Variants in LRMDA observed in about 807,000 individuals in gnomAD.
LRMDA encodes leucine-rich melanocyte differentiation-associated protein.
Under a neutral mutation model 29.8 loss-of-function variants are expected in LRMDA, and 18 were observed. That is an observed-to-expected ratio of 0.60 (90% CI 0.42 to 0.90). The LOEUF (loss-of-function observed/expected upper bound fraction) is 0.90, where lower values mean the gene tolerates loss of function less well. LRMDA is among the 40% of genes least tolerant of loss of function. LRMDA has a pLI of 0.00. For synonymous variants in LRMDA, 125 were observed against 109.4 expected (o/e 1.14, Z -0.89); for missense variants, 273 against 273.9 (o/e 1.00, Z 0.02).
intron 2 of LRMDA, among the ~76,000 whole-genome samples, chr10:75,968,151 C>T (rs1312697766): frequency 6.6e-6 from 1 of 151,922 alleles, no homozygotes; most frequent in African/African-American, 2.4e-5. Flanking sequence ...TCTTGGTGGA[C>T]AGGGTCAAGC....
chr10:76,512,708 A>C (rs1202412079), intron 6 of LRMDA, among the ~76,000 whole-genome samples: 1 of 152,156 alleles, frequency 6.6e-6, no homozygotes, highest in South Asian at 2.1e-4. Context: ...CCAAAGAAAA[A>C]ATAGTGACCC....
intron 2 of LRMDA, among the ~76,000 whole-genome samples, chr10:75,721,120 C>T: frequency 6.6e-6 from 1 of 152,160 alleles, no homozygotes; most frequent in East Asian, 1.9e-4. Flanking sequence ...TTTGTTCTGG[C>T]TCCAATCTGA....
At chr10:76,221,169 T>A (rs1375749369) in intron 5 of LRMDA, among the ~76,000 whole-genome samples, 6 of 152,044 alleles carry the variant, frequency 3.9e-5, no homozygotes, top group Admixed American at 2.6e-4. Flanking sequence ...AATATCATAC[T>A]GAATGGGCAA....
chr10:75,976,515 A>C (rs564422103), intron 2 of LRMDA, among the ~76,000 whole-genome samples: 3 of 152,358 alleles, frequency 2.0e-5, no homozygotes, highest in South Asian at 4.1e-4. Context: ...TATAAACTCC[A>C]TGAGCCAGGG....
chr10:76,145,527 G>A (rs1483688343), intron 5 of LRMDA, among the ~76,000 whole-genome samples: 2 of 151,056 alleles, frequency 1.3e-5, no homozygotes, highest in East Asian at 2.0e-4. Context: ...CTGTGGGATC[G>A]GTGGTGATAT....
At chr10:75,666,117 C>A (rs1841818485) in intron 2 of LRMDA, among the ~76,000 whole-genome samples, 1 of 152,030 alleles carries the variant, frequency 6.6e-6, no homozygotes, top group African/African-American at 2.4e-5. Flanking sequence ...CATGAAAATT[C>A]TTATCTTTCA....
chr10:75,803,091 C>T (rs1487954561), intron 2 of LRMDA, among the ~76,000 whole-genome samples: 1 of 151,972 alleles, frequency 6.6e-6, no homozygotes, highest in African/African-American at 2.4e-5. Context: ...TGTTCTGGCA[C>T]TTGACGTGCA....
At chr10:76,132,828 A>G (rs947280821) in intron 5 of LRMDA, among the ~76,000 whole-genome samples, 2 of 151,816 alleles carry the variant, frequency 1.3e-5, no homozygotes, top group Admixed American at 1.3e-4. Context: ...GGGGGGTCAG[A>G]GTTTCGCTCT....
chr10:75,657,373 T>C (rs1316086673), intron 2 of LRMDA, among the ~76,000 whole-genome samples: 1 of 152,002 alleles, frequency 6.6e-6, no homozygotes, highest in Non-Finnish European at 1.5e-5. Flanking sequence ...GAGAGGAGAA[T>C]GGAAGGCAAG....
intron 5 of LRMDA, among the ~76,000 whole-genome samples, chr10:76,108,548 A>G (rs1849524924): frequency 6.6e-6 from 1 of 152,232 alleles, no homozygotes; most frequent in South Asian, 2.1e-4. Context: ...AAAAGAATGG[A>G]AGGAAAATCA....
chr10:76,338,083 A>C (rs1840991302), intron 6 of LRMDA, among the ~76,000 whole-genome samples: 1 of 152,072 alleles, frequency 6.6e-6, no homozygotes, highest in Middle Eastern at 3.4e-3. Context: ...GAAAAAAAAA[A>C]AAACAATTCC....
chr10:75,970,961 A>G (rs1846957363), intron 2 of LRMDA, among the ~76,000 whole-genome samples: 1 of 152,204 alleles, frequency 6.6e-6, no homozygotes. Context: ...TAGAAAGGGC[A>G]GTAGTTGTTG....
At chr10:75,585,373 G>A (rs1435474179) in intron 2 of LRMDA, among the ~76,000 whole-genome samples, 1 of 152,198 alleles carries the variant, frequency 6.6e-6, no homozygotes, top group Non-Finnish European at 1.5e-5. Context: ...GTTTGGATAT[G>A]CAAAATTTTA....
chr10:76,542,811 A>G (rs1276997954), intron 6 of LRMDA, among the ~76,000 whole-genome samples: 2 of 152,182 alleles, frequency 1.3e-5, no homozygotes, highest in African/African-American at 4.8e-5. Context: ...CTGAAAAGGG[A>G]AAAGCTGATT....
At chr10:76,119,996 G>T (rs1331598827) in intron 5 of LRMDA, among the ~76,000 whole-genome samples, 1 of 152,058 alleles carries the variant, frequency 6.6e-6, no homozygotes, top group East Asian at 1.9e-4. Context: ...ATTTGTTAGG[G>T]TCTTTTTATC....
chr10:76,256,178 C>T (rs1237202344), intron 5 of LRMDA, among the ~76,000 whole-genome samples: 2 of 152,190 alleles, frequency 1.3e-5, no homozygotes, highest in African/African-American at 4.8e-5. Context: ...AAGGATTTTA[C>T]AGTAAATTGC....
intron 6 of LRMDA, among the ~76,000 whole-genome samples, chr10:76,420,260 T>C (rs1437922418): frequency 1.3e-5 from 2 of 152,046 alleles, no homozygotes; most frequent in Non-Finnish European, 2.9e-5. Flanking sequence ...TTCTATTCTT[T>C]ATTATACCTG....
At chr10:75,951,500 G>A (rs1441545679) in intron 2 of LRMDA, among the ~76,000 whole-genome samples, 2 of 152,294 alleles carry the variant, frequency 1.3e-5, no homozygotes, top group Non-Finnish European at 2.9e-5. Flanking sequence ...CTTATGGTCA[G>A]GGCAACCTCT....
intron 2 of LRMDA, among the ~76,000 whole-genome samples, chr10:75,878,774 C>T (rs1845243654): frequency 6.6e-6 from 1 of 152,128 alleles, no homozygotes; most frequent in South Asian, 2.1e-4. Context: ...AAGACGGTAC[C>T]AGGAGTGTAG....
Sources: gnomAD v4.1 joint callset for allele counts (sites outside exome capture counted in the v4.1 genomes callset) on GRCh38, gnomAD v4.1.1 for gene constraint, MANE v1.5 for transcripts, NCBI Gene and HGNC (gene_info 2026-07-23, HGNC 2026-07-21) for gene names.